ZNF423: variants seen among roughly 807,000 people sequenced by gnomAD.
ZNF423 encodes zinc finger protein 423.
In ZNF423, 12 loss-of-function variants were observed where a neutral mutation model predicts 95.8. The observed-to-expected ratio is 0.13, with a 90% CI of 0.08 to 0.20. The LOEUF (loss-of-function observed/expected upper bound fraction) is 0.20, where lower values mean the gene tolerates loss of function less well. ZNF423 is among the 10% of genes least tolerant of loss of function. ZNF423 has a pLI of 1.00. For synonymous variants in ZNF423, 749 were observed against 711.9 expected (o/e 1.05, Z -0.83); for missense variants, 1,316 against 1,737.1 (o/e 0.76, Z 4.31).
chr16:49,620,526 G>A (rs1028185056), intron 5 of ZNF423, among the ~76,000 whole-genome samples: 11 of 152,174 alleles, frequency 7.2e-5, no homozygotes, highest in East Asian at 1.9e-4. Context: ...ATGCCCCACC[G>A]GGACAGGCCT....
rs1263779005 is a variant in ZNF423, at chr16:49,490,813, C to CACA, written c.*459_*461dup. On this transcript the variant is annotated 3_prime_UTR_variant, in exon 8 of 8. Transcript: ENST00000563137. Reference sequence around the variant, plus strand: ...AATATTCAGACAATAGCCAAGCAATCACATCACGATGCACAATTACCTAGA... The same window carrying CACA: ...AATATTCAGACAATAGCCAAGCAATCACAACATCACGATGCACAATTACCTAGA... 7.5e-6 allele frequency: 1 copy of CACA among 134,156 alleles called. No individual in the cohort carries two copies. The highest frequency in any genetic ancestry group is 1.5e-5 in the Non-Finnish European group (1 of 68,396). 8.3% of individuals were successfully genotyped at this position (134,156 alleles called of 1,614,324 possible).
rs572937202 is a variant in ZNF423 at position 49,603,193 on chromosome 16, C to T, written c.3601+22977G>A. Among the ~76,000 whole-genome samples, 45 of 152,304 alleles carry T rather than the reference C, an allele frequency of 3.0e-4. 1 individual carries two copies. The highest frequency in any genetic ancestry group is 1.0e-3 in the South Asian group (5 of 4,826). ...CTGCTGCAGTGATCTCTGGCAGGGC[C>T]GCCAGGGACCACAATGTAAATGGTG... is the stretch of plus-strand genomic sequence containing the variant. On this transcript the variant is annotated intron_variant, in intron 5 of 7. Transcript: ENST00000563137. The surrounding 1 kb of genome is among the most constrained non-coding windows in gnomAD (Gnocchi z 4.1).
At position 49,492,455 on chromosome 16, in the gene ZNF423, G is replaced by GCC. The variant is rs1698691283; in HGVS notation, c.3850-1153_3850-1152dup. On this transcript the variant is annotated intron_variant, in intron 7 of 7. Transcript: ENST00000563137. This position sits in a 1 kb window ranked among gnomAD's most constrained non-coding sequence, Gnocchi z 4.2. The stretch of plus-strand genomic sequence containing the variant: ...CGAGGGCGACCAGGTGATGCCAGTA[G>GCC]CCTCGCCCGGAGGCCGAGGCCGGGG... Among the ~76,000 whole-genome samples the GCC allele has an allele frequency of 6.6e-6, 1 of 152,076 alleles. No individual in the cohort carries two copies. Among genetic ancestry groups the GCC allele is most frequent in the South Asian group, 2.1e-4 (1 of 4,832 alleles).
chr16:49,806,920 G>C (rs1002128449), intron 1 of ZNF423, among the ~76,000 whole-genome samples: 1 of 151,934 alleles, frequency 6.6e-6, no homozygotes. Context: ...CCAGCTACTG[G>C]GGAGGCTGAG....
chr16:49,625,253 T>C (rs1972218617), intron 5 of ZNF423, among the ~76,000 whole-genome samples: 2 of 152,196 alleles, frequency 1.3e-5, no homozygotes, highest in African/African-American at 2.4e-5. Flanking sequence ...CTTGGGAGGC[T>C]GAGGCAGGAA....
chr16:49,615,241 C>G (rs187648936), intron 5 of ZNF423, among the ~76,000 whole-genome samples: 63 of 152,024 alleles, frequency 4.1e-4, no homozygotes, highest in African/African-American at 1.4e-3. Flanking sequence ...GCAGGGTTGC[C>G]AGGTAAAATA....
intron 5 of ZNF423, among the ~76,000 whole-genome samples, chr16:49,572,542 A>G (rs987111410): frequency 3.9e-5 from 6 of 152,198 alleles, no homozygotes; most frequent in Admixed American, 6.5e-5. Flanking sequence ...AGAGCATAAG[A>G]TAGCTGAGCA....
chr16:49,739,937 C>A (rs1022344541), intron 2 of ZNF423, among the ~76,000 whole-genome samples: 11 of 152,036 alleles, frequency 7.2e-5, no homozygotes, highest in Non-Finnish European at 1.6e-4. Flanking sequence ...CGGCTCACTG[C>A]AACCTCTGCC....
intron 5 of ZNF423, among the ~76,000 whole-genome samples, chr16:49,594,124 C>T (rs1971107409): frequency 6.6e-6 from 1 of 152,246 alleles, no homozygotes; most frequent in South Asian, 2.1e-4. Flanking sequence ...GGGGGGTAAA[C>T]AGAAGTGGGG....
Position 49,505,582 on chromosome 16 carries a change from C to T in ZNF423, c.3850-14278G>A, listed in dbSNP as rs568994757. On this transcript the variant is annotated intron_variant, in intron 7 of 7. Coordinates refer to ENST00000563137, the MANE Select transcript of ZNF423 (RefSeq NM_001379286.1). ...CAGGGCAGAAGCTTGTAAGGATGGA[C>T]CTAATTTGCTGTGATAAATTGTGTG... Among the ~76,000 whole-genome samples, 7 of 152,068 alleles carry T rather than the reference C, an allele frequency of 4.6e-5. No individual in the cohort carries two copies. In the South Asian group the frequency reaches 1.5e-3, roughly 32 times the overall value.
chr16:49,493,579 T>C (rs1822297178), intron 7 of ZNF423, among the ~76,000 whole-genome samples: 1 of 151,940 alleles, frequency 6.6e-6, no homozygotes, highest in Non-Finnish European at 1.5e-5. Flanking sequence ...CATTCTTTAT[T>C]AGGGGGAGGA....
intron 5 of ZNF423, among the ~76,000 whole-genome samples, chr16:49,537,611 A>C (rs939863122): frequency 6.6e-6 from 1 of 152,208 alleles, no homozygotes; most frequent in Non-Finnish European, 1.5e-5. Context: ...GTTCGGCTGA[A>C]AAGTCACCCA....
intron 3 of ZNF423, among the ~76,000 whole-genome samples, chr16:49,670,065 G>T (rs940640507): frequency 2.6e-5 from 4 of 152,146 alleles, no homozygotes; most frequent in Admixed American, 1.3e-4. Flanking sequence ...GAGAACAGAG[G>T]AAAAAAGGCC....
intron 3 of ZNF423, among the ~76,000 whole-genome samples, chr16:49,669,942 G>C (rs2030731877): frequency 6.6e-6 from 1 of 152,214 alleles, no homozygotes; most frequent in African/African-American, 2.4e-5. Context: ...AAACTGTCGA[G>C]AGCCATTGCC....
chr16:49,639,405 A>G (rs1972893368), intron 3 of ZNF423, among the ~76,000 whole-genome samples: 1 of 152,198 alleles, frequency 6.6e-6, no homozygotes, highest in Admixed American at 6.5e-5. Context: ...AGAATGCACC[A>G]TTCTCTGGGT....
chr16:49,578,661 T>C (rs1597129675), intron 5 of ZNF423, among the ~76,000 whole-genome samples: 2 of 152,186 alleles, frequency 1.3e-5, no homozygotes, highest in Non-Finnish European at 2.9e-5. Flanking sequence ...GGCTGCCTGG[T>C]GCCACGGAGC....
At chr16:49,846,588 A>T (rs573027004) in intron 1 of ZNF423, among the ~76,000 whole-genome samples, 2 of 152,252 alleles carry the variant, frequency 1.3e-5, no homozygotes, top group South Asian at 4.1e-4. Flanking sequence ...CTGGGCACTG[A>T]GAACCCGTGC....
At chr16:49,835,633 C>G (rs187838494) in intron 1 of ZNF423, among the ~76,000 whole-genome samples, 69 of 152,310 alleles carry the variant, frequency 4.5e-4, no homozygotes, top group Non-Finnish European at 5.7e-4. Flanking sequence ...CCAGCTCCCC[C>G]ACCCGGCATG....
intron 3 of ZNF423, among the ~76,000 whole-genome samples, chr16:49,710,577 C>T (rs925972868): frequency 2.0e-5 from 3 of 152,192 alleles, no homozygotes; most frequent in African/African-American, 7.2e-5. Flanking sequence ...CCTCTCCATC[C>T]CCGGCATCCT....
Sources: gnomAD v4.1 joint callset for allele counts (sites outside exome capture counted in the v4.1 genomes callset) on GRCh38, gnomAD v4.1.1 for gene constraint, Gnocchi (gnomAD v3.1) non-coding constraint, MANE v1.5 for transcripts, NCBI Gene and HGNC (gene_info 2026-07-23, HGNC 2026-07-21) for gene names.